Variants in SPON1 observed in about 807,000 individuals in gnomAD.
The protein encoded by SPON1 is spondin 1.
In SPON1, 52 loss-of-function variants were observed where a neutral mutation model predicts 111.7. The observed-to-expected ratio is 0.47, with a 90% CI of 0.37 to 0.59. The LOEUF (loss-of-function observed/expected upper bound fraction) is 0.59, where lower values mean the gene tolerates loss of function less well. SPON1 is among the 20% of genes least tolerant of loss of function. The probability of loss-of-function intolerance (pLI) is 0.00; values close to 1 mark genes in which losing one functional copy is unlikely to be tolerated. For missense variants in SPON1, 957 were observed against 1,068.5 expected, an observed-to-expected ratio of 0.90 and a Z score of 1.46; for synonymous variants, 410 against 395.8, an observed-to-expected ratio of 1.04 and a Z score of -0.43.
chr11:14,240,942 T>C (rs1848919207), intron 6 of SPON1, among the ~76,000 whole-genome samples: 1 of 152,220 alleles, frequency 6.6e-6, no homozygotes, highest in South Asian at 2.1e-4. Context: ...TAGTATATAG[T>C]GTACATAGTA....
At position 14,130,406 on chromosome 11, in the gene SPON1, G is replaced by A. The variant is rs571226228; in HGVS notation, c.677-5014G>A. Reference sequence around the variant, plus strand: ...ATCAAAAGTTCCTCCTGCGAAGAATGACATAACAATAGTTAACATGTATTA... The same window carrying A: ...ATCAAAAGTTCCTCCTGCGAAGAATAACATAACAATAGTTAACATGTATTA... On this transcript the variant is annotated intron_variant, in intron 5 of 15. Coordinates refer to ENST00000576479, the MANE Select transcript of SPON1 (RefSeq NM_006108.4). 2.0e-5 allele frequency among the ~76,000 whole-genome samples: 3 copies of A among 152,300 alleles called. No homozygotes were observed. The South Asian group carries it at 6.2e-4, about 32-fold the overall frequency.
intron 2 of SPON1, among the ~76,000 whole-genome samples, chr11:14,019,473 CTTATTG>C (rs1321979942): frequency 1.3e-5 from 2 of 151,138 alleles, no homozygotes; most frequent in Non-Finnish European, 2.9e-5. Context: ...CACTTGATAA[CTTATTG>C]TTATTAATTA....
At chr11:14,088,385 A>G (rs1554922945) in intron 5 of SPON1, among the ~76,000 whole-genome samples, 1 of 152,144 alleles carries the variant, frequency 6.6e-6, no homozygotes, top group East Asian at 1.9e-4. Flanking sequence ...TCCTTCACTT[A>G]TGAAGCTTAA....
intron 5 of SPON1, among the ~76,000 whole-genome samples, chr11:14,091,426 G>C (rs1476354679): frequency 6.6e-6 from 1 of 152,242 alleles, no homozygotes; most frequent in Non-Finnish European, 1.5e-5. Flanking sequence ...CCATGGAGTG[G>C]GTGGGAGGCT....
At chr11:14,014,127 C>A (rs1554914029) in intron 2 of SPON1, among the ~76,000 whole-genome samples, 1 of 152,178 alleles carries the variant, frequency 6.6e-6, no homozygotes, top group Non-Finnish European at 1.5e-5. Context: ...CTTGGCTTAC[C>A]TGAGGCTGCC....
chr11:13,985,676 C>T (rs1554910227), intron 2 of SPON1, among the ~76,000 whole-genome samples: 1 of 151,314 alleles, frequency 6.6e-6, no homozygotes, highest in African/African-American at 2.5e-5. Context: ...CTTTTTTCCC[C>T]TTAATTCTTG....
intron 5 of SPON1, among the ~76,000 whole-genome samples, chr11:14,105,799 C>T (rs1849179897): frequency 6.6e-6 from 1 of 152,172 alleles, no homozygotes; most frequent in African/African-American, 2.4e-5. Context: ...CTCAGACTTC[C>T]TCCTGGAGGT....
At chr11:14,252,654 G>A (rs1316383076) in intron 7 of SPON1, among the ~76,000 whole-genome samples, 1 of 147,676 alleles carries the variant, frequency 6.8e-6, no homozygotes, top group African/African-American at 2.5e-5. Flanking sequence ...TGCGCAGAGT[G>A]TGGGAATCCA....
chr11:14,122,110 A>G (rs782612495), intron 5 of SPON1, among the ~76,000 whole-genome samples: 3 of 151,936 alleles, frequency 2.0e-5, no homozygotes, highest in African/African-American at 4.8e-5. Context: ...TCTGGGATCT[A>G]TAGGTTGGTA....
intron 6 of SPON1, among the ~76,000 whole-genome samples, chr11:14,165,631 T>C (rs1848020491): frequency 6.6e-6 from 1 of 152,212 alleles, no homozygotes; most frequent in Non-Finnish European, 1.5e-5. Context: ...TTTGGGGACT[T>C]CTAACCCACA....
At chr11:14,036,208 A>T (rs547532944) in intron 2 of SPON1, among the ~76,000 whole-genome samples, 1 of 152,320 alleles carries the variant, frequency 6.6e-6, no homozygotes, top group South Asian at 2.1e-4. Context: ...ATTATATTGT[A>T]ATGATATTTG....
intron 5 of SPON1, among the ~76,000 whole-genome samples, chr11:14,109,417 G>A (rs1166909974): frequency 3.3e-5 from 5 of 152,188 alleles, no homozygotes; most frequent in East Asian, 3.8e-4. Context: ...TAAACCAGCT[G>A]TAAAGTGGTA....
chr11:14,029,601 G>C (rs559107335), intron 2 of SPON1, among the ~76,000 whole-genome samples: 15 of 152,134 alleles, frequency 9.9e-5, no homozygotes, highest in African/African-American at 3.4e-4. Context: ...TCACCACATA[G>C]CAACGGGAGA....
intron 2 of SPON1, among the ~76,000 whole-genome samples, chr11:13,996,711 G>GTGTGTATATATATATA (rs535844829): frequency 2.8e-5 from 4 of 145,142 alleles, no homozygotes; most frequent in African/African-American, 1.1e-4. Flanking sequence ...ACCTATGTGT[G>GTGTGTATATATATATA]TATATATATA....
At chr11:14,149,376 T>G (rs537513515) in intron 6 of SPON1, among the ~76,000 whole-genome samples, 51 of 152,356 alleles carry the variant, frequency 3.3e-4, no homozygotes, top group Admixed American at 6.5e-4. Flanking sequence ...AACATTCTTG[T>G]ACAACATGCA....
chr11:14,160,792 T>TTATATATTTTTA (rs1269950245), intron 6 of SPON1, among the ~76,000 whole-genome samples: 9 of 49,786 alleles, frequency 1.8e-4, no homozygotes, highest in African/African-American at 7.4e-4. Context: ...TTATATATAT[T>TTATATATTTTTA]TATATATTTT....
chr11:14,049,352 A>G (rs782807154), intron 3 of SPON1, among the ~76,000 whole-genome samples: 30 of 151,974 alleles, frequency 2.0e-4, no homozygotes, highest in Non-Finnish European at 3.7e-4. Flanking sequence ...CTGACTGATC[A>G]CTCTAGTTCC....
rs186708620 is a variant in SPON1, at chr11:14,160,195, A to T, written c.825+24627A>T. 8.9e-4 allele frequency among the ~76,000 whole-genome samples: 134 copies of T among 150,106 alleles called. No individual in the cohort carries two copies. In the East Asian group the frequency reaches 0.023, roughly 26 times the overall value. On this transcript the variant is annotated intron_variant, in intron 6 of 15. Coordinates refer to ENST00000576479, the MANE Select transcript of SPON1 (RefSeq NM_006108.4). ...CACAAAATTTTTTTAAATTTTTTTTAAAAAGAAAAGAACTATAGATACTCC... is the reference window on the plus strand; with the variant it reads ...CACAAAATTTTTTTAAATTTTTTTTTAAAAGAAAAGAACTATAGATACTCC...
At chr11:14,191,326 C>G (rs1260826775) in intron 6 of SPON1, among the ~76,000 whole-genome samples, 1 of 152,144 alleles carries the variant, frequency 6.6e-6, no homozygotes, top group African/African-American at 2.4e-5. Context: ...AGGATGATGC[C>G]TTCACAGTTT....
Sources: allele counts gnomAD v4.1 joint callset (sites outside exome capture counted in the v4.1 genomes callset), GRCh38; gene constraint gnomAD v4.1.1; transcripts MANE v1.5; gene names NCBI Gene and HGNC (gene_info 2026-07-23, HGNC 2026-07-21).